Variants in SATB2 observed in about 807,000 individuals in gnomAD.
SATB2 encodes the protein SATB homeobox 2, also known as DNA-binding protein SATB2.
A neutral mutation model predicts 73.4 loss-of-function variants in SATB2; 1 was observed. The observed-to-expected ratio is 0.01, with a 90% CI of 0.00 to 0.06. The LOEUF is 0.06. Ranked by LOEUF, SATB2 falls within the 10% of genes least tolerant of loss-of-function variation. The probability of loss-of-function intolerance (pLI) is 1.00; values close to 1 mark genes in which losing one functional copy is unlikely to be tolerated. For synonymous variants in SATB2, 397 were observed against 367.0 expected, an observed-to-expected ratio of 1.08 and a Z score of -0.93; for missense variants, 459 against 945.8, an observed-to-expected ratio of 0.49 and a Z score of 6.75.
intron 3 of SATB2, among the ~76,000 whole-genome samples, chr2:199,416,866 C>G (rs1489990500): frequency 6.6e-6 from 1 of 152,072 alleles, no homozygotes; most frequent in Non-Finnish European, 1.5e-5. Context: ...GAAACCCTAT[C>G]TCTACTAAAA....
At chr2:199,310,149 G>A (rs531801773) in intron 9 of SATB2, among the ~76,000 whole-genome samples, 3 of 152,132 alleles carry the variant, frequency 2.0e-5, no homozygotes, top group South Asian at 2.1e-4. Context: ...TTCAACTGCC[G>A]GCTGCAGCAC....
At chr2:199,456,241 G>C in intron 1 of SATB2, 145 bp from the exon 2 acceptor site, 1 of 652,836 alleles carries the variant, frequency 1.5e-6, no homozygotes, top group South Asian at 1.8e-5. Context: ...GGCCCGAGCC[G>C]GGAAGCCGGT....
At chr2:199,341,577 A>G (rs1347361812) in intron 7 of SATB2, among the ~76,000 whole-genome samples, 2 of 152,210 alleles carry the variant, frequency 1.3e-5, no homozygotes, top group Non-Finnish European at 2.9e-5. Flanking sequence ...TCTGGACTAT[A>G]TCAATACTGA....
At chr2:199,343,881 T>C (rs1332616244) in intron 7 of SATB2, among the ~76,000 whole-genome samples, 1 of 152,212 alleles carries the variant, frequency 6.6e-6, no homozygotes, top group Non-Finnish European at 1.5e-5. Context: ...TGTTTCATGC[T>C]TCAATTAGAC....
intron 2 of SATB2, among the ~76,000 whole-genome samples, chr2:199,446,257 T>C (rs571871938): frequency 5.9e-4 from 90 of 152,324 alleles, no homozygotes; most frequent in African/African-American, 2.0e-3. Flanking sequence ...TTTTCTTGTA[T>C]ACAGGGGAGA....
intron 6 of SATB2, among the ~76,000 whole-genome samples, chr2:199,361,732 T>C (rs1419515701): frequency 6.6e-6 from 1 of 151,362 alleles, no homozygotes; most frequent in Non-Finnish European, 1.5e-5. Flanking sequence ...ACAAATATGA[T>C]CGCCCAGCCA....
At chr2:199,401,322 C>T (rs1331166941) in intron 3 of SATB2, among the ~76,000 whole-genome samples, 2 of 151,654 alleles carry the variant, frequency 1.3e-5, no homozygotes, top group African/African-American at 2.4e-5. Flanking sequence ...CCAAGGCAGG[C>T]GGACTACGAG....
intron 6 of SATB2, among the ~76,000 whole-genome samples, chr2:199,363,182 T>C (rs1689188565): frequency 1.3e-5 from 2 of 152,156 alleles, no homozygotes; most frequent in Admixed American, 1.3e-4. Flanking sequence ...CCAATAAGCT[T>C]TCCATTGGAG....
intron 10 of SATB2, among the ~76,000 whole-genome samples, chr2:199,298,072 T>C (rs1487770254): frequency 6.6e-6 from 1 of 152,212 alleles, no homozygotes; most frequent in Non-Finnish European, 1.5e-5. Context: ...AATTCTATGC[T>C]GACACCATCC....
At chr2:199,316,210 T>C (rs1451719010) in intron 9 of SATB2, among the ~76,000 whole-genome samples, 1 of 151,998 alleles carries the variant, frequency 6.6e-6, no homozygotes, top group East Asian at 1.9e-4. Flanking sequence ...AGCCAGATAA[T>C]ATTCAGCTCT....
At chr2:199,282,311 G>A (rs1170405391) in intron 10 of SATB2, among the ~76,000 whole-genome samples, 1 of 151,976 alleles carries the variant, frequency 6.6e-6, no homozygotes, top group Non-Finnish European at 1.5e-5. Context: ...ACTAATTACA[G>A]GAATTTATAT....
chr2:199,329,200 C>A, intron 7 of SATB2: 1 of 431,164 alleles, frequency 2.3e-6, no homozygotes, highest in Non-Finnish European at 4.3e-6. Context: ...AATTGTGAAA[C>A]TGCAATTACC....
upstream of SATB2, among the ~76,000 whole-genome samples, chr2:199,467,187 G>A (rs543717395): frequency 1.6e-4 from 24 of 152,262 alleles, no homozygotes; most frequent in Non-Finnish European, 3.2e-4. Flanking sequence ...AGGCGTGAAG[G>A]GCGGGACGCC....
intron 9 of SATB2, among the ~76,000 whole-genome samples, chr2:199,317,556 C>T (rs1299203280): frequency 6.6e-6 from 1 of 152,054 alleles, no homozygotes. Flanking sequence ...AAGTATTTGA[C>T]ATTTTAAGAA....
At chr2:199,301,152 T>C (rs969845733) in intron 10 of SATB2, among the ~76,000 whole-genome samples, 2 of 152,118 alleles carry the variant, frequency 1.3e-5, no homozygotes. Flanking sequence ...TGTGACTACA[T>C]GATAAATGTT....
upstream of SATB2, among the ~76,000 whole-genome samples, chr2:199,469,456 A>G (rs956145709): frequency 7.1e-6 from 1 of 141,342 alleles, no homozygotes; most frequent in South Asian, 2.2e-4. Flanking sequence ...ATCGCTCACT[A>G]CTCCTGCACC....
chr2:199,357,148 G>A (rs946595798), intron 6 of SATB2, among the ~76,000 whole-genome samples: 1 of 152,204 alleles, frequency 6.6e-6, no homozygotes, highest in African/African-American at 2.4e-5. Flanking sequence ...ATAGCTTTAG[G>A]ATTTGGGTCA....
At chr2:199,439,402 C>T (rs1245087620) in intron 2 of SATB2, among the ~76,000 whole-genome samples, 1 of 152,202 alleles carries the variant, frequency 6.6e-6, no homozygotes, top group African/African-American at 2.4e-5. Context: ...TTCCCTGGAG[C>T]CTGCAGCTTA....
chr2:199,360,666 G>A (rs1011579501), intron 6 of SATB2, among the ~76,000 whole-genome samples: 1 of 152,012 alleles, frequency 6.6e-6, no homozygotes, highest in Non-Finnish European at 1.5e-5. Flanking sequence ...CTAGTTGGTG[G>A]GCTCTTGCTT....
Sources: gnomAD v4.1 joint callset for allele counts (sites outside exome capture counted in the v4.1 genomes callset) on GRCh38, gnomAD v4.1.1 for gene constraint, MANE v1.5 for transcripts, NCBI Gene and HGNC (gene_info 2026-07-23, HGNC 2026-07-21) for gene names.